The following SPAG16 variants were observed in gnomAD, a reference collection of about 807,000 sequenced individuals.
SPAG16 encodes the protein sperm associated antigen 16, also known as sperm-associated antigen 16 protein.
A neutral mutation model predicts 80.4 loss-of-function variants in SPAG16; 86 were observed. The ratio of observed to expected loss-of-function variants is 1.07; its 90% confidence interval spans 0.90 to 1.28. The LOEUF is 1.28. Among genes scored for constraint, SPAG16 ranks in the 50% most tolerant of loss-of-function variants. The probability of loss-of-function intolerance (pLI) is 0.00; values close to 1 mark genes in which losing one functional copy is unlikely to be tolerated. For missense variants in SPAG16, 870 were observed against 765.3 expected (o/e 1.14, Z -1.61); for synonymous variants, 294 against 265.9 (o/e 1.11, Z -1.03).
chr2:213,516,492 G>A (rs1433253605), intron 10 of SPAG16, among the ~76,000 whole-genome samples: 1 of 152,170 alleles, frequency 6.6e-6, no homozygotes, highest in African/African-American at 2.4e-5. Flanking sequence ...TGACTCCAGA[G>A]AAAGGTTAAA....
intron 9 of SPAG16, among the ~76,000 whole-genome samples, chr2:213,475,187 G>T (rs370525239): frequency 3.9e-5 from 6 of 152,096 alleles, no homozygotes; most frequent in Non-Finnish European, 8.8e-5. Context: ...GTTAAATTCT[G>T]GAAAGCCTCT....
intron 15 of SPAG16, among the ~76,000 whole-genome samples, chr2:214,166,344 G>A (rs942322022): frequency 6.6e-6 from 1 of 152,110 alleles, no homozygotes; most frequent in South Asian, 2.1e-4. Flanking sequence ...TGGAATTGAC[G>A]AATGGGAGGC....
intron 10 of SPAG16, among the ~76,000 whole-genome samples, chr2:213,525,957 G>A (rs1030662343): frequency 2.0e-5 from 3 of 152,026 alleles, no homozygotes; most frequent in African/African-American, 7.2e-5. Flanking sequence ...TAATAAAATA[G>A]CATTCTGTTC....
intron 11 of SPAG16, among the ~76,000 whole-genome samples, chr2:213,876,456 A>G (rs1006392508): frequency 1.3e-5 from 2 of 152,140 alleles, no homozygotes; most frequent in Non-Finnish European, 2.9e-5. Context: ...TTATTTTATC[A>G]ATAAAAAGAG....
intron 15 of SPAG16, among the ~76,000 whole-genome samples, chr2:214,401,289 C>T (rs1185831756): frequency 6.6e-6 from 1 of 151,906 alleles, no homozygotes; most frequent in African/African-American, 2.4e-5. Context: ...TAACACTCTC[C>T]ACAGGTAATA....
chr2:213,714,678 C>T (rs755387520), intron 10 of SPAG16, among the ~76,000 whole-genome samples: 10 of 152,132 alleles, frequency 6.6e-5, no homozygotes, highest in Non-Finnish European at 8.8e-5. Flanking sequence ...ACTATTACCT[C>T]CTAATCCTCA....
intron 11 of SPAG16, among the ~76,000 whole-genome samples, chr2:213,907,531 G>A (rs919017068): frequency 6.6e-6 from 1 of 151,446 alleles, no homozygotes; most frequent in Non-Finnish European, 1.5e-5. Flanking sequence ...TCCCACTACT[G>A]GTTATTTATT....
intron 12 of SPAG16, among the ~76,000 whole-genome samples, chr2:213,951,995 GT>G (rs1482355258): frequency 3.1e-4 from 47 of 152,206 alleles, no homozygotes; most frequent in African/African-American, 1.1e-3. Flanking sequence ...GTAATGGTAA[GT>G]TTCATAGAGT....
intron 10 of SPAG16, among the ~76,000 whole-genome samples, chr2:213,857,290 A>C (rs1049854612): frequency 6.6e-6 from 1 of 152,216 alleles, no homozygotes; most frequent in East Asian, 1.9e-4. Context: ...TAAAACTCTT[A>C]AATCTAGAGA....
intron 10 of SPAG16, among the ~76,000 whole-genome samples, chr2:213,833,020 T>A (rs1383638763): frequency 6.6e-6 from 1 of 152,130 alleles, no homozygotes; most frequent in African/African-American, 2.4e-5. Context: ...GATTCAAATT[T>A]CCTTTGAATT....
At chr2:213,783,003 T>C (rs899844980) in intron 10 of SPAG16, among the ~76,000 whole-genome samples, 1 of 151,080 alleles carries the variant, frequency 6.6e-6, no homozygotes, top group African/African-American at 2.4e-5. Context: ...CCCACTAACG[T>C]GTCATCTAGC....
chr2:213,722,142 T>A (rs1303450292), intron 10 of SPAG16, among the ~76,000 whole-genome samples: 1 of 152,094 alleles, frequency 6.6e-6, no homozygotes, highest in African/African-American at 2.4e-5. Flanking sequence ...GAAAAACAAC[T>A]ACTTATAAAG....
At chr2:214,031,137 G>A (rs1056878166) in intron 13 of SPAG16, among the ~76,000 whole-genome samples, 2 of 151,954 alleles carry the variant, frequency 1.3e-5, no homozygotes, top group African/African-American at 4.8e-5. Context: ...GTGGATGTCA[G>A]TTTTCCTTCT....
chr2:214,063,975 CTGAA>C (rs1440378834), intron 13 of SPAG16, among the ~76,000 whole-genome samples: 2 of 152,118 alleles, frequency 1.3e-5, no homozygotes, highest in African/African-American at 4.8e-5. Flanking sequence ...TAAATACCTG[CTGAA>C]TGAATGAGAA....
chr2:214,352,968 T>A (rs1300669869), intron 15 of SPAG16, among the ~76,000 whole-genome samples: 1 of 152,140 alleles, frequency 6.6e-6, no homozygotes, highest in African/African-American at 2.4e-5. Flanking sequence ...TAGACATAAA[T>A]GGGTGTGTCA....
At chr2:214,261,134 A>G (rs1691140605) in intron 15 of SPAG16, among the ~76,000 whole-genome samples, 26 of 131,512 alleles carry the variant, frequency 2.0e-4, no homozygotes, top group South Asian at 5.0e-4. Context: ...AAAAAAAAAA[A>G]AAAAAAAAAA....
At chr2:213,793,917 G>A (rs1432641642) in intron 10 of SPAG16, among the ~76,000 whole-genome samples, 1 of 152,072 alleles carries the variant, frequency 6.6e-6, no homozygotes, top group African/African-American at 2.4e-5. Context: ...AATATATATT[G>A]CTTCTCAGAT....
intron 10 of SPAG16, among the ~76,000 whole-genome samples, chr2:213,578,200 A>G: frequency 6.6e-6 from 1 of 152,144 alleles, no homozygotes; most frequent in African/African-American, 2.4e-5. Context: ...AAAGTGATAC[A>G]TCAGTCATGT....
Position 213,846,328 on chromosome 2 carries a change from T to A in SPAG16, c.1071-16157T>A, listed in dbSNP as rs868437066. The stretch of plus-strand genomic sequence containing the variant: ...TATATAATGTAGTATATTATATACA[T>A]GTGTATGTATATATCCCTGCTGAAA... On this transcript the variant is annotated intron_variant, in intron 10 of 15. Coordinates refer to ENST00000331683, the MANE Select transcript of SPAG16 (RefSeq NM_024532.5). Among the ~76,000 whole-genome samples, 15 of 152,074 alleles carry A rather than the reference T, an allele frequency of 9.9e-5. No individual in the cohort carries two copies. In the Middle Eastern group the frequency reaches 0.014, roughly 138 times the overall value.
Sources: allele counts gnomAD v4.1 joint callset (sites outside exome capture counted in the v4.1 genomes callset), GRCh38; gene constraint gnomAD v4.1.1; transcripts MANE v1.5; gene names NCBI Gene and HGNC (gene_info 2026-07-23, HGNC 2026-07-21).